THADA: variants seen among roughly 807,000 people sequenced by gnomAD.
THADA encodes the protein tRNA (32-2'-O)-methyltransferase regulator THADA.
Under a neutral mutation model 219.8 loss-of-function variants are expected in THADA, and 213 were observed. The observed-to-expected ratio is 0.97, with a 90% CI of 0.87 to 1.09. The LOEUF is 1.09. THADA is among the 50% of genes least tolerant of loss of function. THADA has a pLI of 0.00. For missense variants in THADA, 2,956 were observed against 2,311.3 expected (o/e 1.28, Z -5.72); for synonymous variants, 1,018 against 828.9 (o/e 1.23, Z -3.92).
At chr2:43,476,482 T>C (rs1192238596) in intron 26 of THADA, among the ~76,000 whole-genome samples, 2 of 152,158 alleles carry the variant, frequency 1.3e-5, no homozygotes, top group African/African-American at 2.4e-5. Context: ...TGGTTATATA[T>C]GGGATAGTAA....
At chr2:43,459,626 G>A (rs550703378) in intron 26 of THADA, among the ~76,000 whole-genome samples, 20 of 152,246 alleles carry the variant, frequency 1.3e-4, no homozygotes, top group South Asian at 1.2e-3. Context: ...TACAATGCCT[G>A]GGTCCTGGCT....
chr2:43,296,780 T>A (rs1235539786), intron 31 of THADA, among the ~76,000 whole-genome samples: 1 of 152,212 alleles, frequency 6.6e-6, no homozygotes, highest in Non-Finnish European at 1.5e-5. Context: ...AAAAGGAATT[T>A]CATTTATTTG....
chr2:43,350,499 C>T (rs1383142393), intron 29 of THADA, among the ~76,000 whole-genome samples: 4 of 152,220 alleles, frequency 2.6e-5, no homozygotes, highest in Admixed American at 2.6e-4. Context: ...TAACTGAACC[C>T]CAACTAGGCC....
chr2:43,397,249 G>T (rs1448925213), intron 29 of THADA, among the ~76,000 whole-genome samples: 1 of 152,044 alleles, frequency 6.6e-6, no homozygotes, highest in African/African-American at 2.4e-5. Context: ...CATAAACCAG[G>T]AACATGACCT....
Position 43,553,324 on chromosome 2 carries a change from C to G in THADA, c.2675-985G>C, listed in dbSNP as rs574447336. Among the ~76,000 whole-genome samples, 154 of 152,216 alleles carry G rather than the reference C, an allele frequency of 1.0e-3. 1 individual carries two copies. The highest frequency in any genetic ancestry group is 3.5e-3 in the African/African-American group (147 of 41,540). ...ACCCCAATATTGGTATTTTGAAGTC[C>G]TAATCCCTAATGTGATAATCGAAGA... On this transcript the variant is annotated intron_variant, in intron 17 of 37. Transcript: ENST00000405975.
At chr2:43,579,462 T>C (rs1340513334) in intron 8 of THADA, among the ~76,000 whole-genome samples, 1 of 152,188 alleles carries the variant, frequency 6.6e-6, no homozygotes, top group Non-Finnish European at 1.5e-5. Context: ...AATACCATGG[T>C]GAGTTGTTCA....
Position 43,556,353 on chromosome 2 carries a change from G to A in THADA, c.2666C>T (p.Thr889Ile). 6.2e-7 allele frequency: 1 copy of A among 1,613,762 alleles called. No individual in the cohort carries two copies. The change falls in exon 17 of 38, where the codon ACA becomes ATA. Residue 889 changes from threonine to isoleucine, a missense_variant. Physicochemically the swap from Thr to Ile is moderately conservative, Grantham distance 89. Transcript: ENST00000405975. Reference sequence around the variant, plus strand: ...CAAACATCAATACAAACCCATTAATGTGTTCCTTTCCACCACAGCAGCAGG... The same window carrying A: ...CAAACATCAATACAAACCCATTAATATGTTCCTTTCCACCACAGCAGCAGG... ...DRPAAVVERN[T>I]LMVIKCLMEN...
intron 24 of THADA, among the ~76,000 whole-genome samples, chr2:43,500,536 T>C (rs1429585743): frequency 1.3e-5 from 2 of 152,128 alleles, no homozygotes; most frequent in Non-Finnish European, 2.9e-5. Flanking sequence ...ATCAATACAA[T>C]TCATGACATC....
At chr2:43,292,301 T>A in intron 32 of THADA, 79 bp from the exon 33 acceptor site, 1 of 923,774 alleles carries the variant, frequency 1.1e-6, no homozygotes, top group Non-Finnish European at 1.6e-6. Flanking sequence ...TGATAATCAA[T>A]TGTATCAACA....
Position 43,398,002 on chromosome 2 carries a change from C to A in THADA, c.4196G>T (p.Arg1399Leu), listed in dbSNP as rs370092582. 3.7e-6 allele frequency: 6 copies of A among 1,613,692 alleles called. No homozygotes were observed. Among genetic ancestry groups the A allele is most frequent in the Non-Finnish European group, 5.1e-6 (6 of 1,179,796 alleles). Residue 1399 changes from arginine (R) to leucine (L), a missense_variant, in exon 29 of 38, where the codon CGG (arginine) becomes CTG (leucine). Physicochemically the swap from Arg to Leu is moderately radical, Grantham distance 102. Coordinates refer to ENST00000405975, the MANE Select transcript of THADA (RefSeq NM_022065.5). ...TLPSCTDQCF[R>L]QNHIHGTLLQ... ...AAGTGTCCCATGAATGTGGTTTTGC[C>A]GGAAACACTGGTCAGTGCAGCTGGG... is the stretch of plus-strand genomic sequence containing the variant.
intron 29 of THADA, among the ~76,000 whole-genome samples, chr2:43,352,983 T>C (rs1288149958): frequency 1.3e-5 from 2 of 152,206 alleles, no homozygotes; most frequent in Non-Finnish European, 2.9e-5. Flanking sequence ...ATTCCACATA[T>C]AATTAAGATC....
intron 22 of THADA, among the ~76,000 whole-genome samples, chr2:43,512,492 T>TTGTTTG (rs1414581466): frequency 4.6e-5 from 7 of 152,196 alleles, no homozygotes; most frequent in African/African-American, 1.7e-4. Flanking sequence ...AGTTTTTTGT[T>TTGTTTG]TGTTTGTTTT....
At chr2:43,542,402 A>G (rs2103821901) in intron 20 of THADA, among the ~76,000 whole-genome samples, 1 of 152,358 alleles carries the variant, frequency 6.6e-6, no homozygotes, top group East Asian at 1.9e-4. Context: ...AATTACATTT[A>G]TACATTATTT....
chr2:43,438,703 T>A (rs1680457767), intron 26 of THADA, among the ~76,000 whole-genome samples: 2 of 151,922 alleles, frequency 1.3e-5, no homozygotes, highest in African/African-American at 4.8e-5. Flanking sequence ...ATTACAGTAG[T>A]CCCCCCCTTA....
At chr2:43,569,129 G>A (rs1036490276) in intron 14 of THADA, among the ~76,000 whole-genome samples, 7 of 152,046 alleles carry the variant, frequency 4.6e-5, no homozygotes, top group South Asian at 2.1e-4. Flanking sequence ...ACACCACCAC[G>A]CCCGTCTCAG....
chr2:43,268,910 T>C (rs146591052), intron 36 of THADA, among the ~76,000 whole-genome samples: 2 of 152,238 alleles, frequency 1.3e-5, no homozygotes, highest in Non-Finnish European at 2.9e-5. Flanking sequence ...GGAGGAGTCA[T>C]CCTCACTGAA....
chr2:43,353,130 T>A (rs1292967522), intron 29 of THADA, among the ~76,000 whole-genome samples: 1 of 152,194 alleles, frequency 6.6e-6, no homozygotes, highest in Non-Finnish European at 1.5e-5. Flanking sequence ...CTATCTCAGT[T>A]TCTTTATTCA....
intron 16 of THADA, among the ~76,000 whole-genome samples, chr2:43,557,630 G>A (rs1321964176): frequency 3.3e-5 from 5 of 152,216 alleles, no homozygotes. Flanking sequence ...TGCTGTTGTA[G>A]TCATGGAAAG....
Position 43,527,011 on chromosome 2 carries a change from T to C in THADA, c.3374+868A>G, listed in dbSNP as rs966315171. Reference sequence around the variant, plus strand: ...TCAGCAGTTTAATGTCAGGGACTTTTTAAAAAGTATCATTTAAAGACATTC... The same window carrying C: ...TCAGCAGTTTAATGTCAGGGACTTTCTAAAAAGTATCATTTAAAGACATTC... On this transcript the variant is annotated intron_variant, in intron 22 of 37. Coordinates refer to ENST00000405975, the MANE Select transcript of THADA (RefSeq NM_022065.5). Among the ~76,000 whole-genome samples the C allele has an allele frequency of 2.6e-5, 4 of 152,344 alleles. No homozygotes were observed. In the South Asian group the frequency reaches 6.2e-4, roughly 24 times the overall value.
Sources: allele counts gnomAD v4.1 joint callset (sites outside exome capture counted in the v4.1 genomes callset), GRCh38; gene constraint gnomAD v4.1.1; transcripts MANE v1.5; gene names NCBI Gene and HGNC (gene_info 2026-07-23, HGNC 2026-07-21).